Variants in PPP2R2D observed in about 807,000 individuals in gnomAD.
PPP2R2D encodes protein phosphatase 2 regulatory subunit Bdelta.
A neutral mutation model predicts 31.1 loss-of-function variants in PPP2R2D; 9 were observed. The observed-to-expected ratio is 0.29, with a 90% CI of 0.17 to 0.51. PPP2R2D has a LOEUF of 0.51. PPP2R2D is among the 20% of genes least tolerant of loss of function. PPP2R2D has a pLI of 0.98. For missense variants in PPP2R2D, 391 were observed against 465.6 expected, an observed-to-expected ratio of 0.84 and a Z score of 1.48; for synonymous variants, 179 against 172.6, an observed-to-expected ratio of 1.04 and a Z score of -0.29.
Position 131,904,673 on chromosome 10 carries a change from C to T in PPP2R2D, c.100+3343C>T, listed in dbSNP as rs916038006. On this transcript the variant is annotated intron_variant, in intron 2 of 8. Transcript: ENST00000455566. ...CTGGGCCAAGTTCAGCTCTGTAGAGCTTTACTACAGCCCTGCACTCTGGCC... is the reference window on the plus strand; with the variant it reads ...CTGGGCCAAGTTCAGCTCTGTAGAGTTTTACTACAGCCCTGCACTCTGGCC... Among the ~76,000 whole-genome samples the T allele has an allele frequency of 2.8e-4, 42 of 152,288 alleles. No homozygotes were observed. The South Asian group carries it at 8.5e-3, about 31-fold the overall frequency.
intron 2 of PPP2R2D, among the ~76,000 whole-genome samples, chr10:131,921,751 A>T (rs1321561714): frequency 2.6e-5 from 4 of 152,088 alleles, no homozygotes; most frequent in African/African-American, 7.2e-5. Flanking sequence ...CAAAGTGACT[A>T]TGTTGGTGAT....
the PPP2R2D span, chr10:131,971,382 G>T: frequency 0.018 from 4,203 of 233,980 alleles, 49 homozygotes; most frequent in Middle Eastern, 0.043. Context: ...GGGACATGAC[G>T]AAGGAAGGGA....
At chr10:131,960,295 A>G (rs2036905566), downstream of PPP2R2D, among the ~76,000 whole-genome samples, 1 of 152,238 alleles carries the variant, frequency 6.6e-6, no homozygotes, top group Non-Finnish European at 1.5e-5. Context: ...CTGAAGGTTA[A>G]TGCTGAGCAC....
In PPP2R2D at chr10:131,943,867, C is replaced by T. The variant is rs1348851155; in HGVS notation, c.478-101C>T. 6.0e-6 allele frequency: 4 copies of T among 663,712 alleles called. No homozygotes were observed. In the African/African-American group the frequency reaches 7.4e-5, roughly 12 times the overall value. 41.1% of individuals were successfully genotyped at this position (663,712 alleles called of 1,614,324 possible). On this transcript the variant is annotated intron_variant, in intron 5 of 8. Transcript: ENST00000455566. ...TTGCCTGTACAGAATTATTACTTAG[C>T]CATGAATATAAACTTGTCCTCTTTC...
chr10:131,939,887 C>G (rs61864726), intron 3 of PPP2R2D, 144 bp from the exon 4 acceptor site: 1 of 390,470 alleles, frequency 2.6e-6, no homozygotes, highest in East Asian at 3.8e-5. Context: ...TTTTTTTTCC[C>G]TGAGTTTCAT....
intron 5 of PPP2R2D, among the ~76,000 whole-genome samples, chr10:131,942,267 G>A (rs1179138389): frequency 6.6e-6 from 1 of 152,184 alleles, no homozygotes; most frequent in Non-Finnish European, 1.5e-5. Context: ...GCCTTTACTA[G>A]GCCCAGTCTT....
chr10:131,940,954 C>G (rs2036431147), intron 5 of PPP2R2D: 1 of 341,448 alleles, frequency 2.9e-6, no homozygotes, highest in East Asian at 5.2e-5. Context: ...AATTCTACAG[C>G]AGAAATCTTT....
intron 8 of PPP2R2D, among the ~76,000 whole-genome samples, chr10:131,953,557 TGTG>T (rs1425112327): frequency 7.6e-6 from 1 of 131,920 alleles, no homozygotes; most frequent in Non-Finnish European, 1.6e-5. Flanking sequence ...GACTTGTGGT[TGTG>T]TGTGTGGGGG....
the PPP2R2D span, chr10:131,971,501 A>G: frequency 6.5e-6 from 1 of 154,832 alleles, no homozygotes; most frequent in African/African-American, 2.4e-5. Flanking sequence ...ATTATATAAC[A>G]GCACGAAACA....
In PPP2R2D at chr10:131,956,556, G is replaced by A. The variant is rs2120056087; in HGVS notation, c.*593G>A. The A allele has an allele frequency of 2.0e-6, 2 of 985,210 alleles. No individual in the cohort carries two copies. The highest frequency in any genetic ancestry group is 1.2e-6 in the Non-Finnish European group (1 of 829,738). The allele number at this position is 985,210 out of a possible 1,614,324, so 61.0% of individuals were successfully genotyped here. On this transcript the variant is annotated 3_prime_UTR_variant, in exon 9 of 9. Coordinates refer to ENST00000455566, the MANE Select transcript of PPP2R2D (RefSeq NM_018461.5). ...AAAGTGTTTTTAAATCCAAACAGAA[G>A]TATTGTCTTTTTATTTAATTTTATT...
At chr10:131,932,860 C>T (rs1564818108) in intron 2 of PPP2R2D, among the ~76,000 whole-genome samples, 1 of 151,810 alleles carries the variant, frequency 6.6e-6, no homozygotes, top group South Asian at 2.1e-4. Flanking sequence ...TAGGTTCACG[C>T]GTGTTTGTGT....
chr10:131,965,309 C>T, the PPP2R2D span, among the ~76,000 whole-genome samples: 4 of 152,148 alleles, frequency 2.6e-5, no homozygotes, highest in Non-Finnish European at 5.9e-5. Context: ...CAGGAAGTGG[C>T]GGCTGCCGGT....
At chr10:131,906,785 C>T (rs1375297662) in intron 2 of PPP2R2D, among the ~76,000 whole-genome samples, 9 of 148,256 alleles carry the variant, frequency 6.1e-5, no homozygotes, top group South Asian at 2.2e-4. Context: ...GAAAGAAATT[C>T]GGGACGTTTG....
chr10:131,949,708 A>G (rs1554898564), intron 8 of PPP2R2D, among the ~76,000 whole-genome samples: 2 of 152,196 alleles, frequency 1.3e-5, no homozygotes, highest in Admixed American at 6.5e-5. Context: ...GAAAGGAATC[A>G]GAGGGAACAT....
Position 131,956,538 on chromosome 10 carries a change from T to C in PPP2R2D, c.*575T>C. ...ATAAAAACAACACACTATAAAGTGT[T>C]TTTAAATCCAAACAGAAGTATTGTC... On this transcript the variant is annotated 3_prime_UTR_variant, in exon 9 of 9. Transcript: ENST00000455566. 1.0e-6 allele frequency: 1 copy of C among 985,462 alleles called. No individual in the cohort carries two copies. The highest frequency in any genetic ancestry group is 1.2e-6 in the Non-Finnish European group (1 of 829,942). The allele number at this position is 985,462 out of a possible 1,614,324, so 61.0% of individuals were successfully genotyped here. A position where few individuals can be genotyped will look rare whatever the true frequency, so the allele number is the denominator to read the frequency against.
chr10:131,947,893 C>A lies in PPP2R2D; in HGVS notation c.1082+102C>A. The A allele has an allele frequency of 6.9e-7, 1 of 1,447,200 alleles. No individual in the cohort carries two copies. Among genetic ancestry groups the A allele is most frequent in the Non-Finnish European group, 9.5e-7 (1 of 1,056,030 alleles). The allele number at this position is 1,447,200 out of a possible 1,614,324, so 89.6% of individuals were successfully genotyped here. ...GCTGTCCTCCAGCGTCAGAGGAGGA[C>A]GCTCATAGGGTGTTGTTTTCCAGAC... On this transcript the variant is annotated intron_variant, in intron 8 of 8. Transcript: ENST00000455566. This position sits in a 1 kb window ranked among gnomAD's most constrained non-coding sequence, Gnocchi z 4.3.
chr10:131,954,204 C>T (rs1212138397), intron 8 of PPP2R2D, among the ~76,000 whole-genome samples: 5 of 152,174 alleles, frequency 3.3e-5, no homozygotes, highest in African/African-American at 1.2e-4. Flanking sequence ...CACTATCTGT[C>T]GAGAATTTAA....
intron 2 of PPP2R2D, among the ~76,000 whole-genome samples, chr10:131,906,269 G>A (rs1271055484): frequency 9.2e-5 from 14 of 152,296 alleles, no homozygotes; most frequent in Non-Finnish European, 1.9e-4. Context: ...GTTTTATATA[G>A]CTTTATAGCT....
chr10:131,956,659 G>A lies in PPP2R2D; in HGVS notation c.*696G>A. 1 of 709,702 alleles carries A rather than the reference G, an allele frequency of 1.4e-6. No homozygotes were observed. Among genetic ancestry groups the A allele is most frequent in the Non-Finnish European group, 1.7e-6 (1 of 578,156 alleles). 44.0% of individuals were successfully genotyped at this position (709,702 alleles called of 1,614,324 possible). On this transcript the variant is annotated 3_prime_UTR_variant, in exon 9 of 9. Transcript: ENST00000455566. ...TGTGTGTCCTTCTTTGGCAGCGTGG[G>A]GGTATGTGTGCAGCATTTCTGTCCC...
Sources: allele counts gnomAD v4.1 joint callset (sites outside exome capture counted in the v4.1 genomes callset), GRCh38; gene constraint gnomAD v4.1.1; non-coding constraint Gnocchi (gnomAD v3.1); transcripts MANE v1.5; gene names NCBI Gene and HGNC (gene_info 2026-07-23, HGNC 2026-07-21).